TPMT: variants seen among roughly 807,000 people sequenced by gnomAD.
TPMT encodes the protein thiopurine S-methyltransferase, also known as S-adenosyl-L-methionine:thiopurine S-methyltransferase.
Under a neutral mutation model 34.2 loss-of-function variants are expected in TPMT, and 18 were observed. The observed-to-expected ratio is 0.53, with a 90% CI of 0.36 to 0.78. TPMT has a LOEUF of 0.78. TPMT is among the 30% of genes least tolerant of loss of function. TPMT has a pLI of 0.00. For synonymous variants in TPMT, 69 were observed against 92.4 expected (o/e 0.75, Z 1.45); for missense variants, 265 against 288.1 (o/e 0.92, Z 0.58).
Position 18,150,619 on chromosome 6 carries a change from C to T in TPMT, c.-44-1448G>A, listed in dbSNP as rs921401951. 2.0e-5 allele frequency among the ~76,000 whole-genome samples: 3 copies of T among 152,178 alleles called. No individual in the cohort carries two copies. The highest frequency in any genetic ancestry group is 2.1e-4 in the South Asian group (1 of 4,816). ...TTTTGTTGTTATTTTTTAGTGACCACGCTTATATTGGTGAAGCCTAACCTC... is the reference window on the plus strand; with the variant it reads ...TTTTGTTGTTATTTTTTAGTGACCATGCTTATATTGGTGAAGCCTAACCTC... On this transcript the variant is annotated intron_variant, in intron 1 of 8. Transcript: ENST00000309983. The surrounding 1 kb of genome is among the most constrained non-coding windows in gnomAD (Gnocchi z 5.3).
rs1025343150 is a variant in TPMT at position 18,132,831 on chromosome 6, C to T, written c.581-654G>A. On this transcript the variant is annotated intron_variant, in intron 7 of 8. Transcript: ENST00000309983. This position sits in a 1 kb window ranked among gnomAD's most constrained non-coding sequence, Gnocchi z 4.8. ...AATACTAGCTGGGAACGGTGGCTCACGCCTGTAATCCCAGCACTTTGGGAG... is the reference window on the plus strand; with the variant it reads ...AATACTAGCTGGGAACGGTGGCTCATGCCTGTAATCCCAGCACTTTGGGAG... 6.6e-6 allele frequency among the ~76,000 whole-genome samples: 1 copy of T among 151,948 alleles called. No homozygotes were observed. Among genetic ancestry groups the T allele is most frequent in the Admixed American group, 6.6e-5 (1 of 15,214 alleles).
intron 4 of TPMT, among the ~76,000 whole-genome samples, chr6:18,141,620 A>G (rs763385332): frequency 2.6e-5 from 4 of 152,124 alleles, no homozygotes; most frequent in Non-Finnish European, 4.4e-5. Flanking sequence ...GATTACAGGC[A>G]TGAGCCACCA....
chr6:18,133,985 C>T (rs1163589069), intron 6 of TPMT, 96 bp from the exon 7 acceptor site: 5 of 879,200 alleles, frequency 5.7e-6, no homozygotes, highest in Non-Finnish European at 7.5e-6. Flanking sequence ...GTTACTTTCG[C>T]TGATACTACT....
Position 18,130,368 on chromosome 6 carries a change from T to G in TPMT, c.*300A>C, listed in dbSNP as rs1346350573. On this transcript the variant is annotated 3_prime_UTR_variant, in exon 9 of 9. Coordinates refer to ENST00000309983, the MANE Select transcript of TPMT (RefSeq NM_000367.5). This position sits in a 1 kb window ranked among gnomAD's most constrained non-coding sequence, Gnocchi z 4.2. ...TTGCATTTTGAAATATTTTTTTAAT[T>G]GTACAGGTAACACATGCTGATTGGT... 1 of 273,328 alleles carries G rather than the reference T, an allele frequency of 3.7e-6. No individual in the cohort carries two copies. The highest frequency in any genetic ancestry group is 8.7e-5 in the East Asian group (1 of 11,436). The allele number at this position is 273,328 out of a possible 1,614,324, so 16.9% of individuals were successfully genotyped here.
At position 18,150,912 on chromosome 6, in the gene TPMT, C is replaced by T. The variant is rs1292013594; in HGVS notation, c.-44-1741G>A. On this transcript the variant is annotated intron_variant, in intron 1 of 8. Coordinates refer to ENST00000309983, the MANE Select transcript of TPMT (RefSeq NM_000367.5). The surrounding 1 kb of genome is among the most constrained non-coding windows in gnomAD (Gnocchi z 5.3). Reference sequence around the variant, plus strand: ...TGTTTTTAATAGAGATGAGATTTGACCATGTTGGCCAGGCTGGTCTTGAAC... The same window carrying T: ...TGTTTTTAATAGAGATGAGATTTGATCATGTTGGCCAGGCTGGTCTTGAAC... Among the ~76,000 whole-genome samples, 1 of 152,120 alleles carries T rather than the reference C, an allele frequency of 6.6e-6. No individual in the cohort carries two copies. The highest frequency in any genetic ancestry group is 1.5e-5 in the Non-Finnish European group (1 of 68,016).
At position 18,150,485 on chromosome 6, in the gene TPMT, A is replaced by C. The variant is rs1582049108; in HGVS notation, c.-44-1314T>G. On this transcript the variant is annotated intron_variant, in intron 1 of 8. Coordinates refer to ENST00000309983, the MANE Select transcript of TPMT (RefSeq NM_000367.5). This position sits in a 1 kb window ranked among gnomAD's most constrained non-coding sequence, Gnocchi z 5.3. ...TTCTCTCCTGGAATCTGCCCTGATT[A>C]TTCTCTAATCTTGGTAGACAGCTAG... Among the ~76,000 whole-genome samples, 1 of 152,186 alleles carries C rather than the reference A, an allele frequency of 6.6e-6. No individual in the cohort carries two copies. Among genetic ancestry groups the C allele is most frequent in the East Asian group, 1.9e-4 (1 of 5,192 alleles).
In TPMT at chr6:18,128,672, G is replaced by C. The variant is rs148778422; in HGVS notation, c.*1996C>G. 2.0e-5 allele frequency: 3 copies of C among 152,336 alleles called. No homozygotes were observed. The highest frequency in any genetic ancestry group is 4.4e-5 in the Non-Finnish European group (3 of 68,210). The allele number at this position is 152,336 out of a possible 1,614,324, so 9.4% of individuals were successfully genotyped here. On this transcript the variant is annotated 3_prime_UTR_variant, in exon 9 of 9. Coordinates refer to ENST00000309983, the MANE Select transcript of TPMT (RefSeq NM_000367.5). This position sits in a 1 kb window ranked among gnomAD's most constrained non-coding sequence, Gnocchi z 4.6. Reference sequence around the variant, plus strand: ...TGTGGCTGCCCCACAGCTCCCAGGCGTACACAGATTCCCCTTTCAGCAGTC... The same window carrying C: ...TGTGGCTGCCCCACAGCTCCCAGGCCTACACAGATTCCCCTTTCAGCAGTC...
At chr6:18,155,152 TCC>T (rs1784476347), upstream of TPMT, 1 of 33,108 alleles carries the variant, frequency 3.0e-5, no homozygotes, top group Non-Finnish European at 6.5e-5. The surrounding 1 kb of genome is among the most constrained non-coding windows in gnomAD (Gnocchi z 6.2). Context: ...GCGCCCCGCC[TCC>T]GCCCGCGCCC....
At chr6:18,137,127 T>TA (rs1784056605) in intron 6 of TPMT, among the ~76,000 whole-genome samples, 1 of 7,772 alleles carries the variant, frequency 1.3e-4, no homozygotes, top group African/African-American at 5.6e-4. Context: ...GCCTAACCTG[T>TA]TTTTTTTTTG....
rs944051252 is a variant in TPMT, at chr6:18,143,240, T to G, written c.366+356A>C. On this transcript the variant is annotated intron_variant, in intron 4 of 8. Coordinates refer to ENST00000309983, the MANE Select transcript of TPMT (RefSeq NM_000367.5). The surrounding 1 kb of genome is among the most constrained non-coding windows in gnomAD (Gnocchi z 6.1). Reference sequence around the variant, plus strand: ...CTTCTCTCCTAAACTAAGAGATTCTTTAGGGGTGGGAGTGAGGGGGGTGTG... The same window carrying G: ...CTTCTCTCCTAAACTAAGAGATTCTGTAGGGGTGGGAGTGAGGGGGGTGTG... 1.3e-5 allele frequency among the ~76,000 whole-genome samples: 2 copies of G among 152,162 alleles called. No individual in the cohort carries two copies.
upstream of TPMT, chr6:18,155,155 G>GTTT (rs1561895657): frequency 0.084 from 3,381 of 40,398 alleles, 110 homozygotes; most frequent in Middle Eastern, 0.16. The surrounding 1 kb of genome is among the most constrained non-coding windows in gnomAD (Gnocchi z 6.2). Context: ...CCCCGCCTCC[G>GTTT]CCCGCGCCCC....
At position 18,149,090 on chromosome 6, in the gene TPMT, T is replaced by C. The variant is rs1275757875; in HGVS notation, c.38A>G (p.Tyr13Cys). 6.2e-7 allele frequency: 1 copy of C among 1,614,130 alleles called. No homozygotes were observed. Among genetic ancestry groups the C allele is most frequent in the South Asian group, 1.1e-5 (1 of 91,076 alleles). The change falls in exon 2 of 9, where the codon TAC (tyrosine) becomes TGC (cysteine). Residue 13 changes from tyrosine (Y) to cysteine (C), a missense_variant. Coordinates refer to ENST00000309983, the MANE Select transcript of TPMT (RefSeq NM_000367.5). The surrounding 1 kb of genome is among the most constrained non-coding windows in gnomAD (Gnocchi z 5.0). Reference sequence around the variant, plus strand: ...GTTTTTCTGTACCTCAGTATCCGAGTACTCTTCAATGTCAAGTGAAGTTCT... The same window carrying C: ...GTTTTTCTGTACCTCAGTATCCGAGCACTCTTCAATGTCAAGTGAAGTTCT... Reference protein sequence around the residue: ...GTRTSLDIEEYSDTEVQKNQV... With the variant: ...GTRTSLDIEECSDTEVQKNQV...
Position 18,138,022 on chromosome 6 carries a change from C to T in TPMT, c.494+941G>A, listed in dbSNP as rs573356295. ...CTCGAACTCCTGACCTCAGGCGATC[C>T]GCCCACCTTGGCCTCCCAAAGTGCT... is the stretch of plus-strand genomic sequence containing the variant. On this transcript the variant is annotated intron_variant, in intron 6 of 8. Transcript: ENST00000309983. The surrounding 1 kb of genome is among the most constrained non-coding windows in gnomAD (Gnocchi z 4.1). Among the ~76,000 whole-genome samples, 20 of 152,252 alleles carry T rather than the reference C, an allele frequency of 1.3e-4. No homozygotes were observed. Among genetic ancestry groups the T allele is most frequent in the Admixed American group, 5.2e-4 (8 of 15,298 alleles).
At chr6:18,151,705 G>T (rs1024467527) in intron 1 of TPMT, among the ~76,000 whole-genome samples, 1 of 151,750 alleles carries the variant, frequency 6.6e-6, no homozygotes, top group South Asian at 2.1e-4. Flanking sequence ...TGATCCTCCC[G>T]CCTCAGCCTT....
intron 1 of TPMT, among the ~76,000 whole-genome samples, chr6:18,152,328 T>C (rs1046424847): frequency 2.6e-5 from 4 of 152,294 alleles, no homozygotes; most frequent in Admixed American, 2.6e-4. Context: ...GTCCTGGCTA[T>C]CCTAGTACTT....
In TPMT at chr6:18,135,322, T is replaced by C. The variant is rs775886201; in HGVS notation, c.495-1433A>G. Among the ~76,000 whole-genome samples the C allele has an allele frequency of 4.6e-5, 7 of 152,138 alleles. No individual in the cohort carries two copies. Among genetic ancestry groups the C allele is most frequent in the Admixed American group, 2.0e-4 (3 of 15,274 alleles). On this transcript the variant is annotated intron_variant, in intron 6 of 8. Coordinates refer to ENST00000309983, the MANE Select transcript of TPMT (RefSeq NM_000367.5). The surrounding 1 kb of genome is among the most constrained non-coding windows in gnomAD (Gnocchi z 5.0). ...GTTTCCTAGGACTGAAAGACTTCAT[T>C]CCTCTTAGAATGTGAAGTTTTTCTC...
chr6:18,139,037 C>T lies in TPMT; in HGVS notation c.420G>A (p.Arg140=). The change falls in exon 6 of 9, where the codon AGG becomes AGA. Residue 140 remains arginine, a splice_region_variant and synonymous_variant. Transcript: ENST00000309983. This position sits in a 1 kb window ranked among gnomAD's most constrained non-coding sequence, Gnocchi z 4.2. ...LYCCSIFDLP[R]TNIGKFDMIW... ...TCATGTCAAATTTGCCAATATTTGT[C>T]CTACCAGAAAGAGAAAAAACATTTT... 6.2e-6 allele frequency: 10 copies of T among 1,613,552 alleles called. No individual in the cohort carries two copies. The highest frequency in any genetic ancestry group is 1.3e-5 in the African/African-American group (1 of 75,024).
chr6:18,134,594 A>G (rs1784009296), intron 6 of TPMT, among the ~76,000 whole-genome samples: 1 of 152,178 alleles, frequency 6.6e-6, no homozygotes, highest in South Asian at 2.1e-4. Context: ...TGCTAACAGG[A>G]CCCATCAATA....
Position 18,139,627 on chromosome 6 carries a change from T to C in TPMT, c.419+38A>G. On this transcript the variant is annotated intron_variant, in intron 5 of 8. Transcript: ENST00000309983. The surrounding 1 kb of genome is among the most constrained non-coding windows in gnomAD (Gnocchi z 4.2). ...CATGCCTGCACTGCCTGGCAAGCAT[T>C]CAAATTTTTTAAAGTGCAGATGTAG... The C allele has an allele frequency of 6.4e-7, 1 of 1,565,314 alleles. No individual in the cohort carries two copies. Among genetic ancestry groups the C allele is most frequent in the Non-Finnish European group, 8.8e-7 (1 of 1,136,092 alleles).
Sources: allele counts gnomAD v4.1 joint callset (sites outside exome capture counted in the v4.1 genomes callset), GRCh38; gene constraint gnomAD v4.1.1; non-coding constraint Gnocchi (gnomAD v3.1); transcripts MANE v1.5; gene names NCBI Gene and HGNC (gene_info 2026-07-23, HGNC 2026-07-21).